GLI2: variants seen among roughly 807,000 people sequenced by gnomAD.
GLI2 encodes transcription activator GLI2.
Under a neutral mutation model 78.9 loss-of-function variants are expected in GLI2, and 22 were observed. The observed-to-expected ratio is 0.28, with a 90% CI of 0.20 to 0.40. The LOEUF is 0.40. GLI2 is among the 10% of genes least tolerant of loss of function. GLI2 has a pLI of 1.00. For synonymous variants in GLI2, 974 were observed against 963.7 expected (o/e 1.01, Z -0.20); for missense variants, 2,097 against 2,213.2 (o/e 0.95, Z 1.05).
intron 2 of GLI2, among the ~76,000 whole-genome samples, chr2:120,842,787 C>A (rs965950072): frequency 1.3e-4 from 20 of 152,240 alleles, no homozygotes; most frequent in Non-Finnish European, 2.5e-4. Context: ...AAAATACTTA[C>A]ACTTCAGAGA....
intron 3 of GLI2, among the ~76,000 whole-genome samples, chr2:120,945,955 T>TCACACACACACACACACA (rs1240890746): frequency 2.6e-4 from 3 of 11,562 alleles, no homozygotes; most frequent in Non-Finnish European, 1.4e-3. Flanking sequence ...GGCATAACCT[T>TCACACACACACACACACA]CTCACACACA....
At chr2:120,931,954 A>G (rs2104885946) in intron 3 of GLI2, among the ~76,000 whole-genome samples, 1 of 152,128 alleles carries the variant, frequency 6.6e-6, no homozygotes, top group East Asian at 1.9e-4. Context: ...TCCTCAAGAC[A>G]GTTGGTTCCC....
Position 120,988,759 on chromosome 2 carries a change from G to T in GLI2, c.2794G>T (p.Gly932Cys). Residue 932 changes from glycine (G) to cysteine (C), a missense_variant, in exon 14 of 14, where the codon GGC (glycine) becomes TGC (cysteine). By Grantham distance (159) the Gly-to-Cys change is radical (BLOSUM62 -3). This residue lies in a region of GLI2 where 1,290 missense variants were observed against 1,261.7 expected (regional missense o/e 1.02). Transcript: ENST00000361492. Reference protein sequence around the residue: ...RGSDGPTYGHGHAGAAPAFPH... With the variant: ...RGSDGPTYGHCHAGAAPAFPH... ...CAGCGACGGGCCGACCTATGGCCACGGCCACGCGGGGGCTGCGCCCGCCTT... is the reference window on the plus strand; with the variant it reads ...CAGCGACGGGCCGACCTATGGCCACTGCCACGCGGGGGCTGCGCCCGCCTT... 1 of 1,246,284 alleles carries T rather than the reference G, an allele frequency of 8.0e-7. No homozygotes were observed. Among genetic ancestry groups the T allele is most frequent in the South Asian group, 2.2e-5 (1 of 46,212 alleles). The allele number at this position is 1,246,284 out of a possible 1,614,324, so 77.2% of individuals were successfully genotyped here.
In GLI2 at chr2:120,747,817, G is replaced by A. The variant is rs1176224311; in HGVS notation, c.-31+11532G>A. On this transcript the variant is annotated intron_variant, in intron 1 of 13. Coordinates refer to ENST00000361492, the MANE Select transcript of GLI2 (RefSeq NM_001374353.1). ...GACAGTGGGGCTGTCAAAGCAGGCA[G>A]CAGTACTTTATTCAAACCTAGTTCT... Among the ~76,000 whole-genome samples the A allele has an allele frequency of 2.0e-5, 3 of 152,220 alleles. No homozygotes were observed. In the East Asian group the frequency reaches 5.8e-4, roughly 29 times the overall value.
intron 2 of GLI2, among the ~76,000 whole-genome samples, chr2:120,822,861 T>C (rs1427092612): frequency 6.6e-6 from 1 of 152,162 alleles, no homozygotes; most frequent in Non-Finnish European, 1.5e-5. Context: ...TCCCATCTGA[T>C]TTTATTTTCA....
intron 2 of GLI2, among the ~76,000 whole-genome samples, chr2:120,894,219 C>A (rs1405719018): frequency 1.3e-5 from 2 of 152,230 alleles, no homozygotes; most frequent in East Asian, 3.8e-4. Flanking sequence ...AAGCAATTGT[C>A]CGTCTCTCAG....
chr2:120,900,015 C>A (rs946397221), intron 2 of GLI2, among the ~76,000 whole-genome samples: 1 of 152,184 alleles, frequency 6.6e-6, no homozygotes, highest in Non-Finnish European at 1.5e-5. Flanking sequence ...CTAGCAGGCT[C>A]CCAGGACATG....
chr2:120,988,406 C>G lies in GLI2; in HGVS notation c.2441C>G (p.Ser814Cys). 6.4e-7 allele frequency: 1 copy of G among 1,569,224 alleles called. No individual in the cohort carries two copies. The highest frequency in any genetic ancestry group is 1.2e-5 in the South Asian group (1 of 86,636). Reference protein sequence around the residue: ...RRSSGISPYFSSRRSSEASPL... With the variant: ...RRSSGISPYFCSRRSSEASPL... ...TCCTCCGGCATCTCCCCCTACTTCT[C>G]CAGCCGCCGCTCCAGCGAGGCCTCG... The change falls in exon 14 of 14, where the codon TCC becomes TGC. Residue 814 changes from serine (S) to cysteine (C), a missense_variant. Transcript: ENST00000361492.
At chr2:120,957,260 C>T (rs1681319068) in intron 5 of GLI2, among the ~76,000 whole-genome samples, 1 of 152,204 alleles carries the variant, frequency 6.6e-6, no homozygotes. Context: ...CCTTTCCCAG[C>T]ATGGTGTTTA....
chr2:120,814,787 A>AC (rs1319990629), intron 2 of GLI2, among the ~76,000 whole-genome samples: 1 of 49,032 alleles, frequency 2.0e-5, no homozygotes, highest in Admixed American at 1.9e-4. Context: ...CGCCCGCCCC[A>AC]CCCCCCGCCC....
At chr2:120,831,957 C>T (rs1002707819) in intron 2 of GLI2, among the ~76,000 whole-genome samples, 1 of 152,214 alleles carries the variant, frequency 6.6e-6, no homozygotes, top group Non-Finnish European at 1.5e-5. Flanking sequence ...CGCTGGACTG[C>T]GTCTGCTGCC....
intron 2 of GLI2, among the ~76,000 whole-genome samples, chr2:120,830,441 G>A (rs948472483): frequency 6.6e-6 from 1 of 152,210 alleles, no homozygotes; most frequent in Non-Finnish European, 1.5e-5. Flanking sequence ...TGTGTGTGTG[G>A]GTTTTTGTTC....
At chr2:120,913,997 C>G (rs1019501211) in intron 2 of GLI2, among the ~76,000 whole-genome samples, 1 of 152,224 alleles carries the variant, frequency 6.6e-6, no homozygotes, top group African/African-American at 2.4e-5. Flanking sequence ...CAAGAAACCT[C>G]TTGTTGGGCT....
chr2:120,919,710 C>T (rs532761123), intron 2 of GLI2, among the ~76,000 whole-genome samples: 5 of 152,264 alleles, frequency 3.3e-5, no homozygotes, highest in South Asian at 2.1e-4. Context: ...TCAGCATCAC[C>T]GGGCTTCCCC....
At chr2:120,942,624 G>GC (rs1448358681) in intron 3 of GLI2, among the ~76,000 whole-genome samples, 2 of 152,154 alleles carry the variant, frequency 1.3e-5, no homozygotes, top group Non-Finnish European at 2.9e-5. Flanking sequence ...GATCTCATGA[G>GC]CCCCCCACGT....
chr2:120,849,002 T>A (rs1201104121), intron 2 of GLI2, among the ~76,000 whole-genome samples: 1 of 152,116 alleles, frequency 6.6e-6, no homozygotes, highest in African/African-American at 2.4e-5. Flanking sequence ...TATTCAACCA[T>A]CAAAAGGAAG....
intron 3 of GLI2, among the ~76,000 whole-genome samples, chr2:120,934,568 T>C (rs891313963): frequency 1.3e-5 from 2 of 152,054 alleles, no homozygotes; most frequent in Admixed American, 6.6e-5. Context: ...TGGCTCAGGG[T>C]TGTAGCTATC....
At chr2:120,901,473 C>G (rs917918583) in intron 2 of GLI2, among the ~76,000 whole-genome samples, 2 of 152,176 alleles carry the variant, frequency 1.3e-5, no homozygotes, top group South Asian at 4.1e-4. Flanking sequence ...AGGCGGCTTC[C>G]GCTGGGCCGG....
chr2:120,771,161 C>T (rs1314555915), intron 1 of GLI2, among the ~76,000 whole-genome samples: 1 of 152,204 alleles, frequency 6.6e-6, no homozygotes, highest in African/African-American at 2.4e-5. Flanking sequence ...GATCTCAGCC[C>T]TCTTCACTGT....
Sources: gnomAD v4.1 joint callset for allele counts (sites outside exome capture counted in the v4.1 genomes callset) on GRCh38, gnomAD v4.1.1 for gene constraint, gnomAD v4.1.1 regional missense constraint, MANE v1.5 for transcripts, NCBI Gene and HGNC (gene_info 2026-07-23, HGNC 2026-07-21) for gene names.